TLN2: variants seen among roughly 807,000 people sequenced by gnomAD.
TLN2 encodes the protein talin-2.
Under a neutral mutation model 294.7 loss-of-function variants are expected in TLN2, and 118 were observed. The observed-to-expected ratio is 0.40, with a 90% CI of 0.34 to 0.47. The LOEUF (loss-of-function observed/expected upper bound fraction) is 0.47. TLN2 is among the 20% of genes least tolerant of loss of function. The probability of loss-of-function intolerance (pLI) is 0.84; values close to 1 mark genes in which losing one functional copy is unlikely to be tolerated. For synonymous variants in TLN2, 1,431 were observed against 1,304.5 expected (o/e 1.10, Z -2.09); for missense variants, 3,083 against 3,282.2 (o/e 0.94, Z 1.48).
intron 1 of TLN2, among the ~76,000 whole-genome samples, chr15:62,454,783 C>T (rs896473207): frequency 1.3e-5 from 2 of 152,284 alleles, no homozygotes; most frequent in East Asian, 1.9e-4. Context: ...TTCTTTCATT[C>T]GGCCCTTTAG....
Position 62,702,820 on chromosome 15 carries a change from C to T in TLN2, c.1960C>T (p.Leu654Phe). The change falls in exon 19 of 59, where the codon CTT (leucine) becomes TTT (phenylalanine). Residue 654 changes from leucine to phenylalanine, a missense_variant. Leu to Phe is a conservative substitution (Grantham distance 22, BLOSUM62 0). Transcript: ENST00000636159. The part of the protein sequence containing the change: ...AGSIGQASGD[L>F]LRQIGENETD... ...CAGCATCGGACAAGCCAGTGGGGAT[C>T]TTCTGAGACAGATTGGAGAGAATGA... 3.1e-6 allele frequency: 5 copies of T among 1,614,218 alleles called. No homozygotes were observed. Among genetic ancestry groups the T allele is most frequent in the Non-Finnish European group, 4.2e-6 (5 of 1,180,040 alleles).
intron 1 of TLN2, among the ~76,000 whole-genome samples, chr15:62,469,673 G>A (rs1245077161): frequency 6.6e-6 from 1 of 152,206 alleles, no homozygotes; most frequent in Non-Finnish European, 1.5e-5. Context: ...TGGCACTCTT[G>A]AGAGCCACCC....
At chr15:62,631,574 T>TTCCTTTCCTTTCCTTTCCTG (rs1235980071) in intron 3 of TLN2, among the ~76,000 whole-genome samples, 1 of 146,540 alleles carries the variant, frequency 6.8e-6, no homozygotes, top group Non-Finnish European at 1.5e-5. Context: ...TTCCTTTCCT[T>TTCCTTTCCTTTCCTTTCCTG]TCTTTCTCTC....
At chr15:62,701,023 G>T in intron 16 of TLN2, 83 bp from the exon 17 acceptor site, 15 of 1,203,328 alleles carry the variant, frequency 1.2e-5, no homozygotes, top group Non-Finnish European at 1.8e-5. Flanking sequence ...CCAAAATGCT[G>T]GTGTGATTTT....
At chr15:62,794,312 C>A (rs1358451776) in intron 46 of TLN2, among the ~76,000 whole-genome samples, 3 of 152,154 alleles carry the variant, frequency 2.0e-5, no homozygotes, top group African/African-American at 7.2e-5. Flanking sequence ...GTCCTCTATG[C>A]CTTGTGTCTC....
intron 23 of TLN2, among the ~76,000 whole-genome samples, chr15:62,716,832 A>G (rs962075426): frequency 2.6e-5 from 4 of 152,176 alleles, no homozygotes; most frequent in African/African-American, 9.7e-5. Context: ...CTGGAGGTGG[A>G]GATTAGGCTT....
Position 62,800,451 on chromosome 15 carries a change from A to G in TLN2, c.6318A>G (p.Pro2106=). The change falls in exon 49 of 59, where the codon CCA becomes CCG. Residue 2106 remains proline, a synonymous_variant. Transcript: ENST00000636159. ...ISATKGAASK[P]VDDPSMYQLK... Reference sequence around the variant, plus strand: ...CTACCAAGGGAGCTGCCAGCAAGCCAGTGGACGACCCTTCCATGTACCAGC... The same window carrying G: ...CTACCAAGGGAGCTGCCAGCAAGCCGGTGGACGACCCTTCCATGTACCAGC... 6.2e-7 allele frequency: 1 copy of G among 1,614,222 alleles called. No homozygotes were observed. Among genetic ancestry groups the G allele is most frequent in the South Asian group, 1.1e-5 (1 of 91,082 alleles).
intron 16 of TLN2, among the ~76,000 whole-genome samples, chr15:62,699,886 C>T (rs2058607242): frequency 6.6e-6 from 1 of 152,186 alleles, no homozygotes; most frequent in African/African-American, 2.4e-5. Context: ...TTATTCTCCC[C>T]AGGTGATTCT....
chr15:62,743,310 A>C (rs2061441236), intron 32 of TLN2, among the ~76,000 whole-genome samples: 1 of 151,688 alleles, frequency 6.6e-6, no homozygotes, highest in South Asian at 2.1e-4. Flanking sequence ...GGCCTGGACC[A>C]ACTCAGCCCT....
chr15:62,398,122 G>A (rs1042547862), intron 1 of TLN2, among the ~76,000 whole-genome samples: 1 of 152,122 alleles, frequency 6.6e-6, no homozygotes, highest in Non-Finnish European at 1.5e-5. Context: ...TAATCCCCAC[G>A]TGTCGTGGGA....
intron 30 of TLN2, among the ~76,000 whole-genome samples, 158 bp downstream of exon 30, chr15:62,738,491 G>C (rs146842593): frequency 3.9e-5 from 6 of 152,178 alleles, no homozygotes; most frequent in African/African-American, 1.4e-4. Context: ...TTTGCTGTCT[G>C]ATCAACAAAG....
intron 1 of TLN2, among the ~76,000 whole-genome samples, chr15:62,391,932 C>G (rs1167878807): frequency 6.6e-6 from 1 of 152,250 alleles, no homozygotes; most frequent in Non-Finnish European, 1.5e-5. Flanking sequence ...GAGTGTAGAG[C>G]GTTCTCCCGG....
At chr15:62,460,260 G>GTT (rs570067801) in intron 1 of TLN2, among the ~76,000 whole-genome samples, 76 of 139,262 alleles carry the variant, frequency 5.5e-4, no homozygotes, top group Non-Finnish European at 5.6e-4. Flanking sequence ...TAGCCACATG[G>GTT]TTTTTTTTTT....
At chr15:62,693,689 C>G (rs118154783) in intron 13 of TLN2, among the ~76,000 whole-genome samples, 3,721 of 151,752 alleles carry the variant, frequency 0.025, 75 homozygotes, top group South Asian at 0.051. Context: ...AAGATACAGC[C>G]CATTCAAAAA....
At chr15:62,837,482 G>A (rs148035296) in intron 57 of TLN2, among the ~76,000 whole-genome samples, 1 of 152,282 alleles carries the variant, frequency 6.6e-6, no homozygotes, top group Non-Finnish European at 1.5e-5. Flanking sequence ...GGTCAAATAG[G>A]AGAATGCATA....
At chr15:62,548,692 G>T (rs539924343) in intron 1 of TLN2, among the ~76,000 whole-genome samples, 2 of 152,156 alleles carry the variant, frequency 1.3e-5, no homozygotes, top group Non-Finnish European at 2.9e-5. Context: ...ATCAGAATAC[G>T]GTTGAAATTG....
intron 2 of TLN2, among the ~76,000 whole-genome samples, chr15:62,593,929 G>T (rs948188465): frequency 2.0e-5 from 3 of 152,184 alleles, no homozygotes; most frequent in Non-Finnish European, 4.4e-5. Context: ...TCTTATGGAG[G>T]ATCTTTTATT....
chr15:62,470,641 G>A (rs1285694129), intron 1 of TLN2, among the ~76,000 whole-genome samples: 3 of 152,222 alleles, frequency 2.0e-5, no homozygotes, highest in African/African-American at 4.8e-5. Flanking sequence ...ATGGTATGCA[G>A]TTCTCAAGTG....
At chr15:62,618,504 T>G (rs538466510) in intron 3 of TLN2, 29 bp downstream of exon 3, 83 of 152,354 alleles carry the variant, frequency 5.4e-4, no homozygotes, top group African/African-American at 1.8e-3. Context: ...AAAGGTCTTC[T>G]GCGTGTGTTT....
Sources: allele counts gnomAD v4.1 joint callset (sites outside exome capture counted in the v4.1 genomes callset), GRCh38; gene constraint gnomAD v4.1.1; transcripts MANE v1.5; gene names NCBI Gene and HGNC (gene_info 2026-07-23, HGNC 2026-07-21).